The following DDX50 variants were observed in gnomAD, a reference collection of about 807,000 sequenced individuals.
DDX50 encodes the protein ATP-dependent RNA helicase DDX50.
In DDX50, 56 loss-of-function variants were observed where a neutral mutation model predicts 94.8. The observed-to-expected ratio is 0.59, with a 90% confidence interval of 0.48 to 0.74. DDX50 has a LOEUF of 0.74. Among genes scored for constraint, DDX50 ranks in the 30% least tolerant of loss-of-function variants. The probability of loss-of-function intolerance (pLI) is 0.00; values close to 1 mark genes in which losing one functional copy is unlikely to be tolerated. For missense variants in DDX50, 713 were observed against 881.2 expected (o/e 0.81, Z 2.42); for synonymous variants, 264 against 295.4 (o/e 0.89, Z 1.09).
chr10:68,941,524 A>G (rs559553701), intron 13 of DDX50, among the ~76,000 whole-genome samples: 2 of 152,016 alleles, frequency 1.3e-5, no homozygotes, highest in Non-Finnish European at 2.9e-5. Context: ...AGGTCTCACT[A>G]TTTGCCCAGG....
chr10:68,919,722 T>C (rs1258023215), intron 7 of DDX50, 110 bp from the exon 8 acceptor site: 1 of 1,337,336 alleles, frequency 7.5e-7, no homozygotes, highest in Non-Finnish European at 1.0e-6. Flanking sequence ...GTCTTTGTCT[T>C]ACAGTCTCCC....
At chr10:68,925,278 T>A (rs145900493) in intron 8 of DDX50, among the ~76,000 whole-genome samples, 8,762 of 151,724 alleles carry the variant, frequency 0.058, 316 homozygotes, top group Middle Eastern at 0.11. Context: ...TAATTTTTTT[T>A]TTTTTATTTT....
intron 8 of DDX50, among the ~76,000 whole-genome samples, chr10:68,921,773 C>T (rs78303556): frequency 6.6e-6 from 1 of 152,102 alleles, no homozygotes; most frequent in African/African-American, 2.4e-5. Context: ...TCTTGGTTCA[C>T]ATTTTCTTTC....
chr10:68,940,974 T>G, intron 12 of DDX50, 86 bp from the exon 13 acceptor site: 1 of 1,502,970 alleles, frequency 6.7e-7, no homozygotes, highest in Non-Finnish European at 8.9e-7. Flanking sequence ...AAATGCACAG[T>G]TAAGTCTTGA....
Position 68,934,083 on chromosome 10 carries a change from TA to T in DDX50, c.1240-112del. 9.3e-7 allele frequency: 1 copy of T among 1,074,066 alleles called. No homozygotes were observed. Among genetic ancestry groups the T allele is most frequent in the Non-Finnish European group, 1.3e-6 (1 of 786,462 alleles). 66.5% of individuals were successfully genotyped at this position (1,074,066 alleles called of 1,614,324 possible). A position where few individuals can be genotyped will look rare whatever the true frequency, so the allele number is the denominator to read the frequency against. ...TTTTTTTACAGTAAGCATGCATTGT[TA>T]AAATCATCAAAGTAAGATTTAAAAA... On this transcript the variant is annotated intron_variant, in intron 8 of 14. Coordinates refer to ENST00000373585, the MANE Select transcript of DDX50 (RefSeq NM_024045.2). This position sits in a 1 kb window ranked among gnomAD's most constrained non-coding sequence, Gnocchi z 4.0.
At chr10:68,926,836 T>TG (rs1842104106) in intron 8 of DDX50, among the ~76,000 whole-genome samples, 1 of 151,472 alleles carries the variant, frequency 6.6e-6, no homozygotes, top group African/African-American at 2.4e-5. Context: ...ATTCAAAAGT[T>TG]GGAGACCTGG....
chr10:68,926,544 AT>A (rs1159612736), intron 8 of DDX50, among the ~76,000 whole-genome samples: 2 of 151,966 alleles, frequency 1.3e-5, no homozygotes, highest in Admixed American at 6.6e-5. Context: ...TTTTGTTTTT[AT>A]TTTTAAATTG....
At position 68,924,046 on chromosome 10, in the gene DDX50, T is replaced by A. The variant is rs1374471622; in HGVS notation, c.1239+4065T>A. On this transcript the variant is annotated intron_variant, in intron 8 of 14. Transcript: ENST00000373585. ...CTCACTGTGACCTCTGCCTCCCAGG[T>A]TCAAGCGATTTTCCTGCCTCAGCAT... is the stretch of plus-strand genomic sequence containing the variant. 2.9e-5 allele frequency among the ~76,000 whole-genome samples: 4 copies of A among 140,276 alleles called. No individual in the cohort carries two copies. The Admixed American group carries it at 3.2e-4, about 11-fold the overall frequency. 92.0% of individuals were successfully genotyped at this position (140,276 alleles called of 152,430 possible). A position where few individuals can be genotyped will look rare whatever the true frequency, so the allele number is the denominator to read the frequency against.
intron 8 of DDX50, among the ~76,000 whole-genome samples, chr10:68,931,551 C>T (rs1158328030): frequency 1.3e-5 from 2 of 150,838 alleles, no homozygotes; most frequent in Admixed American, 6.6e-5. Flanking sequence ...AGTGATTCTC[C>T]TGCCTCAGCC....
chr10:68,912,695 T>C (rs901886871), intron 4 of DDX50, among the ~76,000 whole-genome samples: 3 of 152,250 alleles, frequency 2.0e-5, no homozygotes, highest in African/African-American at 7.2e-5. Context: ...AGATAATTCC[T>C]GTAAAGCATT....
At chr10:68,904,036 C>T (rs10823267) in intron 1 of DDX50, among the ~76,000 whole-genome samples, 58,208 of 150,328 alleles carry the variant, frequency 0.39, 12,035 homozygotes, top group Non-Finnish European at 0.49. Context: ...CCCAGCTACT[C>T]GGGATGCTAA....
chr10:68,909,402 C>T (rs1226144142), intron 2 of DDX50, among the ~76,000 whole-genome samples: 1 of 152,178 alleles, frequency 6.6e-6, no homozygotes, highest in South Asian at 2.1e-4. Flanking sequence ...AATCTTCAAG[C>T]TTACGGTAAC....
At chr10:68,908,244 A>C (rs529919277) in intron 2 of DDX50, among the ~76,000 whole-genome samples, 1 of 152,264 alleles carries the variant, frequency 6.6e-6, no homozygotes, top group South Asian at 2.1e-4. Flanking sequence ...TGAGATCAGG[A>C]GTTCCAAGAC....
intron 8 of DDX50, among the ~76,000 whole-genome samples, chr10:68,931,510 G>T (rs1326163002): frequency 6.7e-6 from 1 of 149,000 alleles, no homozygotes; most frequent in Non-Finnish European, 1.5e-5. Flanking sequence ...GCACAGTCTC[G>T]GGTCACTGCA....
rs754533123 is a variant in DDX50 at position 68,913,595 on chromosome 10, T to C, written c.943+19T>C. The C allele has an allele frequency of 6.3e-7, 1 of 1,589,448 alleles. No individual in the cohort carries two copies. Among genetic ancestry groups the C allele is most frequent in the South Asian group, 1.1e-5 (1 of 87,252 alleles). On this transcript the variant is annotated intron_variant, in intron 6 of 14. Coordinates refer to ENST00000373585, the MANE Select transcript of DDX50 (RefSeq NM_024045.2). ...AAAACTGGTATATCCTAATTCAAAA[T>C]AAGCACATTAGCAATTATTGTTCGA...
At chr10:68,912,327 C>T (rs111809528) in intron 4 of DDX50, among the ~76,000 whole-genome samples, 7 of 152,152 alleles carry the variant, frequency 4.6e-5, no homozygotes, top group African/African-American at 1.4e-4. Context: ...TTCTCTCTTC[C>T]TCTCAGTCTC....
At chr10:68,905,844 C>T (rs1374081703) in intron 1 of DDX50, among the ~76,000 whole-genome samples, 1 of 152,250 alleles carries the variant, frequency 6.6e-6, no homozygotes, top group East Asian at 1.9e-4. Context: ...ACCCGGGAGG[C>T]GGAGGCTGTA....
chr10:68,903,156 G>A (rs1323567795), intron 1 of DDX50, among the ~76,000 whole-genome samples: 1 of 152,184 alleles, frequency 6.6e-6, no homozygotes, highest in African/African-American at 2.4e-5. Context: ...TGTAATCCTA[G>A]CACTTTGGGA....
At chr10:68,910,113 G>A (rs757343354) in intron 2 of DDX50, among the ~76,000 whole-genome samples, 194 bp from the exon 3 acceptor site, 1 of 152,016 alleles carries the variant, frequency 6.6e-6, no homozygotes, top group Non-Finnish European at 1.5e-5. Context: ...ATTTGAGCCC[G>A]GAGGTTGAGG....
Sources: allele counts gnomAD v4.1 joint callset (sites outside exome capture counted in the v4.1 genomes callset), GRCh38; gene constraint gnomAD v4.1.1; non-coding constraint Gnocchi (gnomAD v3.1); transcripts MANE v1.5; gene names NCBI Gene and HGNC (gene_info 2026-07-23, HGNC 2026-07-21).